The following TMOD2 variants were observed in gnomAD, a reference collection of about 807,000 sequenced individuals.
TMOD2 encodes the protein tropomodulin-2.
Under a neutral mutation model 39.9 loss-of-function variants are expected in TMOD2, and 22 were observed. The observed-to-expected ratio is 0.55, with a 90% confidence interval of 0.39 to 0.79. The LOEUF is 0.79. Ranked by LOEUF, TMOD2 falls within the 30% of genes least tolerant of loss-of-function variation. The pLI, the probability that TMOD2 is intolerant of heterozygous loss-of-function variation, is 0.00. For missense variants in TMOD2, 386 were observed against 413.3 expected (o/e 0.93, Z 0.57); for synonymous variants, 123 against 146.1 (o/e 0.84, Z 1.14).
At chr15:51,773,672 C>A in intron 3 of TMOD2, 40 bp from the exon 4 acceptor site, 1 of 1,571,512 alleles carries the variant, frequency 6.4e-7, no homozygotes. Flanking sequence ...ACCAATAAGG[C>A]AGTAGTACTC....
chr15:51,791,674 C>T (rs1341644015), intron 7 of TMOD2, among the ~76,000 whole-genome samples: 1 of 152,196 alleles, frequency 6.6e-6, no homozygotes. Context: ...ACCAATGGAA[C>T]AGAACGGATG....
chr15:51,767,159 G>A (rs2055821876), intron 2 of TMOD2: 2 of 151,990 alleles, frequency 1.3e-5, no homozygotes, highest in African/African-American at 4.8e-5. Context: ...CCAGGTAGCT[G>A]AAATTATAGA....
chr15:51,791,092 A>G (rs1170171628), intron 7 of TMOD2, among the ~76,000 whole-genome samples: 1 of 152,246 alleles, frequency 6.6e-6, no homozygotes, highest in Non-Finnish European at 1.5e-5. Context: ...ACATGATTGT[A>G]TATTTAGAAA....
intron 8 of TMOD2, among the ~76,000 whole-genome samples, chr15:51,799,161 T>C (rs1034748597): frequency 8.5e-5 from 13 of 152,174 alleles, no homozygotes; most frequent in Non-Finnish European, 1.8e-4. Context: ...GGGAAGGGTC[T>C]GTGATGGGGT....
chr15:51,773,613 A>T, intron 3 of TMOD2, 99 bp from the exon 4 acceptor site: 1 of 1,239,466 alleles, frequency 8.1e-7, no homozygotes, highest in Non-Finnish European at 1.1e-6. Flanking sequence ...GCTTAATTAT[A>T]TGGGTCTCAA....
intron 7 of TMOD2, among the ~76,000 whole-genome samples, chr15:51,795,594 C>A (rs2056045091): frequency 1.4e-5 from 1 of 70,232 alleles, no homozygotes; most frequent in Non-Finnish European, 3.1e-5. Flanking sequence ...TTCTTTCTTT[C>A]TTTCTTTCTT....
intron 1 of TMOD2, chr15:51,752,730 G>A (rs772777736): frequency 3.9e-5 from 6 of 152,172 alleles, no homozygotes; most frequent in Non-Finnish European, 8.8e-5. Context: ...CTGTTTAACA[G>A]CACTACAAAA....
In TMOD2 at chr15:51,782,730, A is replaced by G. The variant is rs371235651; in HGVS notation, c.634A>G (p.Ile212Val). ...VNLNNIKNIPIPTLREFAKAL... is the reference protein window; with the variant it reads ...VNLNNIKNIPVPTLREFAKAL... ...GTCCTCTCTGTCTTAGAACATTCCA[A>G]TTCCAACCCTGAGGGAATTTGCAAA... The change falls in exon 7 of 10, where the codon ATT (isoleucine) becomes GTT (valine). Residue 212 changes from isoleucine to valine, a missense_variant. Physicochemically the swap from Ile to Val is conservative, Grantham distance 29 (BLOSUM62 3). Coordinates refer to ENST00000249700, the MANE Select transcript of TMOD2 (RefSeq NM_014548.4). The G allele has an allele frequency of 2.9e-5, 46 of 1,613,794 alleles. No individual in the cohort carries two copies. The East Asian group carries it at 8.5e-4, about 30-fold the overall frequency.
intron 3 of TMOD2, among the ~76,000 whole-genome samples, chr15:51,772,128 C>T (rs2055857660): frequency 6.6e-6 from 1 of 152,186 alleles, no homozygotes; most frequent in Admixed American, 6.5e-5. Flanking sequence ...GGGTTATTGA[C>T]TTTGGGTTGG....
intron 7 of TMOD2, among the ~76,000 whole-genome samples, chr15:51,788,564 A>G (rs945628602): frequency 4.6e-5 from 7 of 152,236 alleles, no homozygotes; most frequent in African/African-American, 1.4e-4. Context: ...CCCAAGACAC[A>G]TAATTGTCAG....
Position 51,782,776 on chromosome 15 carries a change from A to T in TMOD2, c.680A>T (p.His227Leu). Reference sequence around the variant, plus strand: ...GCAAAGGCTCTGGAGACCAACACTCACGTGAAGAAGTTCAGCCTGGCCGCA... The same window carrying T: ...GCAAAGGCTCTGGAGACCAACACTCTCGTGAAGAAGTTCAGCCTGGCCGCA... Reference protein sequence around the residue: ...EFAKALETNTHVKKFSLAATR... With the variant: ...EFAKALETNTLVKKFSLAATR... The change falls in exon 7 of 10, where the codon CAC (histidine) becomes CTC (leucine). Residue 227 changes from histidine to leucine, a missense_variant. By Grantham distance (99) the His-to-Leu change is moderately conservative. Coordinates refer to ENST00000249700, the MANE Select transcript of TMOD2 (RefSeq NM_014548.4). The T allele has an allele frequency of 6.2e-7, 1 of 1,614,074 alleles. No homozygotes were observed. Among genetic ancestry groups the T allele is most frequent in the South Asian group, 1.1e-5 (1 of 91,076 alleles).
At chr15:51,804,670 T>C (rs2056110685) in intron 8 of TMOD2, among the ~76,000 whole-genome samples, 1 of 151,710 alleles carries the variant, frequency 6.6e-6, no homozygotes, top group Non-Finnish European at 1.5e-5. Flanking sequence ...CCTCCCGGGT[T>C]CAAGCAATTC....
intron 5 of TMOD2, among the ~76,000 whole-genome samples, chr15:51,777,969 C>T (rs1477406295): frequency 6.6e-6 from 1 of 151,696 alleles, no homozygotes; most frequent in Non-Finnish European, 1.5e-5. Flanking sequence ...CCATTTGACC[C>T]AGCCATCCCA....
At chr15:51,752,084 C>G (rs1156314941) in intron 1 of TMOD2, among the ~76,000 whole-genome samples, 1 of 152,016 alleles carries the variant, frequency 6.6e-6, no homozygotes, top group East Asian at 1.9e-4. Flanking sequence ...CCCACTTTTC[C>G]CCTTCCTGTG....
chr15:51,790,605 A>G (rs1039059533), intron 7 of TMOD2, among the ~76,000 whole-genome samples: 27 of 152,334 alleles, frequency 1.8e-4, no homozygotes, highest in African/African-American at 5.8e-4. Flanking sequence ...AAAATCCTCA[A>G]TAAAATACTG....
chr15:51,764,216 T>C (rs888338623), intron 1 of TMOD2, among the ~76,000 whole-genome samples: 1 of 151,968 alleles, frequency 6.6e-6, no homozygotes, highest in Non-Finnish European at 1.5e-5. Flanking sequence ...ACTCCAGAGG[T>C]TGAGGTGGGA....
chr15:51,801,283 A>ACACACACACACACACACC (rs1484824575), intron 8 of TMOD2, among the ~76,000 whole-genome samples: 3 of 125,862 alleles, frequency 2.4e-5, no homozygotes, highest in African/African-American at 9.3e-5. Flanking sequence ...ACACACACAC[A>ACACACACACACACACACC]CCCTGTCTCT....
chr15:51,777,879 A>C (rs1227369170), intron 5 of TMOD2, among the ~76,000 whole-genome samples: 1 of 152,152 alleles, frequency 6.6e-6, no homozygotes, highest in Non-Finnish European at 1.5e-5. Flanking sequence ...ACACTTTTAC[A>C]CTGTTGGTGG....
chr15:51,780,400 A>G (rs6493521), intron 5 of TMOD2, among the ~76,000 whole-genome samples: 61,262 of 151,890 alleles, frequency 0.4, 12,503 homozygotes, highest in Middle Eastern at 0.45. Flanking sequence ...GTTACTTTTT[A>G]TATTTTTTGG....
Sources: gnomAD v4.1 joint callset for allele counts (sites outside exome capture counted in the v4.1 genomes callset) on GRCh38, gnomAD v4.1.1 for gene constraint, MANE v1.5 for transcripts, NCBI Gene and HGNC (gene_info 2026-07-23, HGNC 2026-07-21) for gene names.